The following SS18 variants were observed in gnomAD, a reference collection of about 807,000 sequenced individuals.
SS18 encodes the protein SS18 subunit of BAF chromatin remodeling complex.
In SS18, 28 loss-of-function variants were observed where a neutral mutation model predicts 72.5. The ratio of observed to expected loss-of-function variants is 0.39; its 90% CI spans 0.29 to 0.53. The LOEUF (loss-of-function observed/expected upper bound fraction) is 0.53, where lower values mean the gene tolerates loss of function less well. SS18 is among the 20% of genes least tolerant of loss of function. SS18 has a pLI of 0.76. For synonymous variants in SS18, 172 were observed against 164.2 expected, an observed-to-expected ratio of 1.05 and a Z score of -0.37; for missense variants, 518 against 535.3, an observed-to-expected ratio of 0.97 and a Z score of 0.32.
chr18:26,021,596 T>C (rs778756775), intron 10 of SS18, among the ~76,000 whole-genome samples: 1 of 152,184 alleles, frequency 6.6e-6, no homozygotes, highest in Non-Finnish European at 1.5e-5. Context: ...GTATGGAAGA[T>C]CCTACTGCGA....
At chr18:26,036,791 A>G (rs2053633416) in intron 7 of SS18, among the ~76,000 whole-genome samples, 1 of 152,152 alleles carries the variant, frequency 6.6e-6, no homozygotes, top group South Asian at 2.1e-4. Flanking sequence ...GCCACCTCAT[A>G]AATACCTACA....
intron 5 of SS18, among the ~76,000 whole-genome samples, chr18:26,049,562 G>A (rs1023115815): frequency 6.6e-6 from 1 of 152,090 alleles, no homozygotes; most frequent in Non-Finnish European, 1.5e-5. Context: ...ACCCAAGCTG[G>A]AGTGCAGTGA....
chr18:26,020,684 G>C (rs908848877), intron 10 of SS18, among the ~76,000 whole-genome samples: 9 of 152,124 alleles, frequency 5.9e-5, no homozygotes, highest in Admixed American at 1.3e-4. Context: ...AAACAGATAA[G>C]TTCTCTAAGT....
chr18:26,086,115 A>T (rs2054611593), intron 2 of SS18: 1 of 152,224 alleles, frequency 6.6e-6, no homozygotes, highest in African/African-American at 2.4e-5. Flanking sequence ...ATATAGTATA[A>T]CAAGTATTTA....
upstream of SS18, chr18:26,090,711 G>T: frequency 1.2e-6 from 1 of 863,340 alleles, no homozygotes; most frequent in Non-Finnish European, 1.8e-6. Flanking sequence ...ACGGGCGGCG[G>T]GGCAGGCCTG....
intron 9 of SS18, among the ~76,000 whole-genome samples, chr18:26,033,835 CTCTTACCATTGAAGGTATTTA>C (rs1463774892): frequency 6.7e-6 from 1 of 148,608 alleles, no homozygotes; most frequent in Non-Finnish European, 1.5e-5. Flanking sequence ...CTTTCACCCT[CTCTTACCATTGAAGGTATTTA>C]TCTTAAGTCA....
intron 2 of SS18, among the ~76,000 whole-genome samples, chr18:26,078,632 T>A (rs2054461206): frequency 6.6e-6 from 1 of 152,170 alleles, no homozygotes; most frequent in Non-Finnish European, 1.5e-5. Context: ...ACACCTGTAA[T>A]CCCAGCCCTT....
At chr18:26,027,315 CT>C (rs1169304216) in intron 10 of SS18, among the ~76,000 whole-genome samples, 1 of 151,984 alleles carries the variant, frequency 6.6e-6, no homozygotes, top group East Asian at 1.9e-4. Context: ...TTATGGACAA[CT>C]GATTTTTTGC....
chr18:26,028,738 A>G (rs900889931), intron 10 of SS18, among the ~76,000 whole-genome samples: 2 of 152,226 alleles, frequency 1.3e-5, no homozygotes, highest in Admixed American at 1.3e-4. Flanking sequence ...AAAGATCAGT[A>G]ACAATGTCTG....
intron 3 of SS18, among the ~76,000 whole-genome samples, chr18:26,076,303 C>G (rs2054411062): frequency 6.7e-6 from 1 of 149,436 alleles, no homozygotes; most frequent in Non-Finnish European, 1.5e-5. Context: ...TTAAGTATAA[C>G]AAGAGAGTGG....
chr18:26,047,609 A>G (rs2053850109), intron 5 of SS18, among the ~76,000 whole-genome samples: 2 of 152,210 alleles, frequency 1.3e-5, no homozygotes, highest in African/African-American at 2.4e-5. Flanking sequence ...TGGGAGGCCA[A>G]GGCGGGCAGA....
At chr18:26,087,248 C>T (rs60728274) in intron 2 of SS18, among the ~76,000 whole-genome samples, 2,230 of 151,720 alleles carry the variant, frequency 0.015, 45 homozygotes, top group African/African-American at 0.051. Flanking sequence ...GTGGTTGTCA[C>T]GGGTTGAGGG....
chr18:26,039,276 A>G lies in SS18; in HGVS notation c.775+13T>C, dbSNP rs1249632154. 5.7e-6 allele frequency: 9 copies of G among 1,589,128 alleles called. No homozygotes were observed. The highest frequency in any genetic ancestry group is 7.7e-6 in the Non-Finnish European group (9 of 1,164,350). ...ATTACATTAAGTAGCAAATTTTCCA[A>G]ATGGAATCTTACCCTGTTGAGGAGG... On this transcript the variant is annotated intron_variant, in intron 6 of 10. Transcript: ENST00000415083.
chr18:26,060,771 CAAAAA>C lies in SS18; in HGVS notation c.232-3034_232-3030del, dbSNP rs60999827. 9.8e-3 allele frequency among the ~76,000 whole-genome samples: 388 copies of C among 39,508 alleles called. 2 individuals carry two copies. Among genetic ancestry groups the C allele is most frequent in the African/African-American group, 0.026 (371 of 14,510 alleles). 25.9% of individuals were successfully genotyped at this position (39,508 alleles called of 152,430 possible). ...GAAACTCTGTCTCTACTAAAAATAC[CAAAAA>C]AAAAAAAAAAAAAAAAAAAAAAAAA... On this transcript the variant is annotated intron_variant, in intron 3 of 10. Transcript: ENST00000415083.
chr18:26,064,280 A>T (rs1200032527), intron 3 of SS18, among the ~76,000 whole-genome samples: 2 of 152,158 alleles, frequency 1.3e-5, no homozygotes, highest in African/African-American at 4.8e-5. Context: ...AAAGAAGGGC[A>T]TCAGTTCCCA....
chr18:26,023,982 GTTCTTACAC>G (rs1244803787), intron 10 of SS18, among the ~76,000 whole-genome samples: 3 of 151,856 alleles, frequency 2.0e-5, no homozygotes, highest in African/African-American at 7.3e-5. Context: ...CTACCTTAAG[GTTCTTACAC>G]TATGTATAGG....
chr18:26,038,936 A>C (rs2053672553), intron 6 of SS18, among the ~76,000 whole-genome samples: 1 of 152,090 alleles, frequency 6.6e-6, no homozygotes, highest in African/African-American at 2.4e-5. Flanking sequence ...AATAGGTTCA[A>C]ACTAGTAGCA....
At chr18:26,071,347 C>T (rs1284983170) in intron 3 of SS18, among the ~76,000 whole-genome samples, 1 of 152,084 alleles carries the variant, frequency 6.6e-6, no homozygotes, top group South Asian at 2.1e-4. Context: ...CATACTAAAA[C>T]CACTAAAAAT....
chr18:26,038,211 T>C (rs201436948), intron 7 of SS18, among the ~76,000 whole-genome samples: 1 of 151,314 alleles, frequency 6.6e-6, no homozygotes, highest in Admixed American at 6.6e-5. Flanking sequence ...TTATGGCAGG[T>C]GAATTATATC....
Sources: gnomAD v4.1 joint callset for allele counts (sites outside exome capture counted in the v4.1 genomes callset) on GRCh38, gnomAD v4.1.1 for gene constraint, MANE v1.5 for transcripts, NCBI Gene and HGNC (gene_info 2026-07-23, HGNC 2026-07-21) for gene names.